The following MYO3A variants were observed in gnomAD, a reference collection of about 807,000 sequenced individuals.
MYO3A encodes the protein myosin-IIIa.
A neutral mutation model predicts 192.7 loss-of-function variants in MYO3A; 180 were observed. That is an observed-to-expected ratio of 0.93 (90% confidence interval 0.83 to 1.06). The LOEUF (loss-of-function observed/expected upper bound fraction) is 1.06, where lower values mean the gene tolerates loss of function less well. MYO3A is among the 50% of genes least tolerant of loss of function. The pLI, the probability that MYO3A is intolerant of heterozygous loss-of-function variation, is 0.00. For missense variants in MYO3A, 1,896 were observed against 1,905.0 expected, an observed-to-expected ratio of 1.00 and a Z score of 0.09; for synonymous variants, 628 against 645.3, an observed-to-expected ratio of 0.97 and a Z score of 0.41.
At position 25,996,512 on chromosome 10, in the gene MYO3A, C is replaced by G; in HGVS notation, c.326C>G (p.Thr109Ser). The G allele has an allele frequency of 6.2e-7, 1 of 1,613,862 alleles. No individual in the cohort carries two copies. The highest frequency in any genetic ancestry group is 8.5e-7 in the Non-Finnish European group (1 of 1,179,860). Residue 109 changes from threonine to serine, a missense_variant, in exon 5 of 35, where the codon ACT (threonine) becomes AGT (serine). Physicochemically the swap from Thr to Ser is moderately conservative, Grantham distance 58 (BLOSUM62 1). Transcript: ENST00000642920. Reference sequence around the variant, plus strand: ...TAGCTCTGCAGTGGAGGATCAGTGACTGACCTTGTGAAAGGATTTCTGAAG... The same window carrying G: ...TAGCTCTGCAGTGGAGGATCAGTGAGTGACCTTGTGAAAGGATTTCTGAAG... ...VLELCSGGSV[T>S]DLVKGFLKRG...
chr10:25,996,582 T>A lies in MYO3A; in HGVS notation c.396T>A (p.His132Gln), dbSNP rs779627578. ...AGCCTCTAATTGCCTATATTTTACA[T>A]GAAGCACTAATGGTAAGGCAATTTA... ...MSEPLIAYIL[H>Q]EALMGLQHLH... Residue 132 changes from histidine (H) to glutamine (Q), a missense_variant, in exon 5 of 35, where the codon CAT (histidine) becomes CAA (glutamine). Physicochemically the swap from His to Gln is conservative, Grantham distance 24. Coordinates refer to ENST00000642920, the MANE Select transcript of MYO3A (RefSeq NM_017433.5). 1 of 1,612,854 alleles carries A rather than the reference T, an allele frequency of 6.2e-7. No homozygotes were observed. The highest frequency in any genetic ancestry group is 1.7e-5 in the Admixed American group (1 of 60,020).
At chr10:26,137,019 AAAAAC>A (rs1158135299) in intron 20 of MYO3A, among the ~76,000 whole-genome samples, 3 of 141,646 alleles carry the variant, frequency 2.1e-5, no homozygotes, top group Non-Finnish European at 4.8e-5. Flanking sequence ...CTCTGTCTCA[AAAAAC>A]AAAACAAAAA....
At chr10:26,141,426 C>T (rs142179053) in intron 20 of MYO3A, among the ~76,000 whole-genome samples, 155 of 152,032 alleles carry the variant, frequency 1.0e-3, no homozygotes, top group African/African-American at 3.5e-3. Flanking sequence ...CCTTGGTTTG[C>T]CTGAAGTCCC....
At position 26,157,364 on chromosome 10, in the gene MYO3A, C is replaced by T. The variant is rs78316055; in HGVS notation, c.2848C>T (p.Arg950Cys). 1.5e-5 allele frequency: 25 copies of T among 1,613,964 alleles called. No individual in the cohort carries two copies. In the East Asian group the frequency reaches 1.8e-4, roughly 12 times the overall value. ...GGTGGTGGGCCAACCTCATTTTGTCCGTTGCATCAAACCAAATAGTGAGCG... is the reference window on the plus strand; with the variant it reads ...GGTGGTGGGCCAACCTCATTTTGTCTGTTGCATCAAACCAAATAGTGAGCG... ...KMVVGQPHFV[R>C]CIKPNSERQA... Residue 950 changes from arginine (R) to cysteine (C), a missense_variant, in exon 26 of 35, where the codon CGT (arginine) becomes TGT (cysteine). Arg to Cys is a radical substitution (Grantham distance 180). Transcript: ENST00000642920.
At chr10:26,067,688 G>C (rs967548462) in intron 11 of MYO3A, among the ~76,000 whole-genome samples, 8 of 147,080 alleles carry the variant, frequency 5.4e-5, no homozygotes, top group African/African-American at 1.5e-4. Context: ...AAACATTTTT[G>C]TGAAGGTAGA....
rs141790288 is a variant in MYO3A at position 26,020,164 on chromosome 10, G to A, written c.586-1339G>A. ...ATTTGCCCATAAACTCGCCATCCACGCCAGAGCCAGAATATTACCAATAGC... is the reference window on the plus strand; with the variant it reads ...ATTTGCCCATAAACTCGCCATCCACACCAGAGCCAGAATATTACCAATAGC... On this transcript the variant is annotated intron_variant, in intron 7 of 34. Transcript: ENST00000642920. 1.2e-4 allele frequency among the ~76,000 whole-genome samples: 19 copies of A among 152,206 alleles called. No individual in the cohort carries two copies. The South Asian group carries it at 3.9e-3, about 32-fold the overall frequency.
rs146166362 is a variant in MYO3A at position 26,141,256 on chromosome 10, G to T, written c.2263-2192G>T. 2.2e-4 allele frequency among the ~76,000 whole-genome samples: 34 copies of T among 152,304 alleles called. 1 individual carries two copies. In the East Asian group the frequency reaches 6.4e-3, roughly 28 times the overall value. On this transcript the variant is annotated intron_variant, in intron 20 of 34. Coordinates refer to ENST00000642920, the MANE Select transcript of MYO3A (RefSeq NM_017433.5). ...ATATATTTTTAATGTACAGGGCAGAGCAGAGGACTTTCTGAAGAAATAGGA... is the reference window on the plus strand; with the variant it reads ...ATATATTTTTAATGTACAGGGCAGATCAGAGGACTTTCTGAAGAAATAGGA...
chr10:26,207,299 A>C (rs1455871445), intron 34 of MYO3A, among the ~76,000 whole-genome samples: 2 of 152,138 alleles, frequency 1.3e-5, no homozygotes, highest in African/African-American at 4.8e-5. Context: ...GACCAATGTC[A>C]TGGAGGTTTT....
Position 26,016,855 on chromosome 10 carries a change from C to T in MYO3A, c.544C>T (p.Arg182Trp), listed in dbSNP as rs772007643. The change falls in exon 7 of 35, where the codon CGG (arginine) becomes TGG (tryptophan). Residue 182 changes from arginine to tryptophan, a missense_variant. Arg to Trp is a moderately radical substitution (Grantham distance 101). Transcript: ENST00000642920. ...ACAGCTCACCAGTACCCGGCACCGT[C>T]GGAACACATCCGTAGGAACACCGTT... ...SAQLTSTRHR[R>W]NTSVGTPFWM... The T allele has an allele frequency of 9.9e-6, 16 of 1,614,070 alleles. No individual in the cohort carries two copies. The East Asian group carries it at 2.2e-4, about 22-fold the overall frequency.
intron 6 of MYO3A, among the ~76,000 whole-genome samples, chr10:26,009,378 TATA>T (rs1366268293): frequency 2.0e-5 from 3 of 151,926 alleles, no homozygotes; most frequent in African/African-American, 7.3e-5. Context: ...AAACTTAAAG[TATA>T]ATAATAATAA....
intron 14 of MYO3A, among the ~76,000 whole-genome samples, chr10:26,074,345 G>A (rs1365270846): frequency 6.6e-6 from 1 of 151,784 alleles, no homozygotes; most frequent in East Asian, 1.9e-4. Flanking sequence ...TGCCATGAAT[G>A]GATCAAATTG....
intron 14 of MYO3A, among the ~76,000 whole-genome samples, chr10:26,082,398 T>C (rs1384238968): frequency 6.6e-6 from 1 of 152,218 alleles, no homozygotes; most frequent in Non-Finnish European, 1.5e-5. Context: ...TATTTATTTA[T>C]AAAAATGTTA....
chr10:26,018,516 A>G (rs953204466), intron 7 of MYO3A, among the ~76,000 whole-genome samples: 4 of 152,198 alleles, frequency 2.6e-5, no homozygotes, highest in Admixed American at 2.0e-4. Flanking sequence ...CCAGGAGGCA[A>G]GGTTGTTCAA....
chr10:26,201,676 C>T (rs1368494766), intron 33 of MYO3A, among the ~76,000 whole-genome samples: 5 of 143,464 alleles, frequency 3.5e-5, no homozygotes, highest in Admixed American at 7.2e-5. Context: ...GTCGACTGGG[C>T]GAGACTCCGT....
intron 30 of MYO3A, among the ~76,000 whole-genome samples, chr10:26,175,370 AT>A (rs1842273473): frequency 6.6e-6 from 1 of 152,136 alleles, no homozygotes; most frequent in Admixed American, 6.5e-5. Flanking sequence ...TAGCACTGTT[AT>A]TTTCTCCAGT....
intron 4 of MYO3A, among the ~76,000 whole-genome samples, chr10:25,959,549 C>T (rs560409033): frequency 1.1e-4 from 16 of 152,184 alleles, no homozygotes; most frequent in South Asian, 4.2e-4. Context: ...ACTTTTGGAG[C>T]GCTTCATCTG....
rs766397598 is a variant in MYO3A, at chr10:26,173,698, T to C, written c.3434T>C (p.Ile1145Thr). 2 of 1,613,898 alleles carry C rather than the reference T, an allele frequency of 1.2e-6. No homozygotes were observed. Among genetic ancestry groups the C allele is most frequent in the Non-Finnish European group, 1.7e-6 (2 of 1,179,922 alleles). Residue 1145 changes from isoleucine to threonine, a missense_variant, in exon 30 of 35, where the codon ATC becomes ACC. Transcript: ENST00000642920. ...SFVKKQAENAISANERFISAP... is the reference protein window; with the variant it reads ...SFVKKQAENATSANERFISAP... ...GTGAAGAAACAAGCAGAAAATGCAA[T>C]CTCTGCTAATGAAAGATTCATTTCA...
intron 6 of MYO3A, among the ~76,000 whole-genome samples, chr10:26,006,911 A>G (rs551871731): frequency 4.7e-5 from 7 of 147,658 alleles, no homozygotes; most frequent in East Asian, 3.9e-4. Flanking sequence ...TACCAAAGCC[A>G]GGCAGAGACA....
At chr10:25,976,666 T>C in intron 4 of MYO3A, among the ~76,000 whole-genome samples, 1 of 152,198 alleles carries the variant, frequency 6.6e-6, no homozygotes, top group East Asian at 1.9e-4. Flanking sequence ...TCAGTGCTGC[T>C]CTGTTATTTA....
Sources: allele counts gnomAD v4.1 joint callset (sites outside exome capture counted in the v4.1 genomes callset), GRCh38; gene constraint gnomAD v4.1.1; transcripts MANE v1.5; gene names NCBI Gene and HGNC (gene_info 2026-07-23, HGNC 2026-07-21).